The following RARB variants were observed in gnomAD, a reference collection of about 807,000 sequenced individuals.
The protein encoded by RARB is HBV-activated protein.
RARB carries 17 observed loss-of-function variants against 51.9 expected under a neutral mutation model. The observed-to-expected ratio is 0.33, with a 90% confidence interval of 0.22 to 0.49. The LOEUF (loss-of-function observed/expected upper bound fraction) is 0.49. Ranked by LOEUF, RARB falls within the 20% of genes least tolerant of loss-of-function variation. The pLI is 0.99. For synonymous variants in RARB, 215 were observed against 195.4 expected, an observed-to-expected ratio of 1.10 and a Z score of -0.84; for missense variants, 369 against 550.8, an observed-to-expected ratio of 0.67 and a Z score of 3.30.
intron 5 of RARB, among the ~76,000 whole-genome samples, chr3:25,338,636 C>A (rs1203859694): frequency 6.6e-6 from 1 of 152,190 alleles, no homozygotes; most frequent in East Asian, 1.9e-4. Context: ...CCAAACTCAT[C>A]TGCACAAGCT....
At chr3:25,542,539 C>A (rs918817415) in intron 3 of RARB, among the ~76,000 whole-genome samples, 3 of 152,222 alleles carry the variant, frequency 2.0e-5, no homozygotes, top group African/African-American at 7.2e-5. Flanking sequence ...AGGATTCCTA[C>A]TGTAGTATTA....
chr3:25,269,239 G>C (rs944669307), intron 5 of RARB, among the ~76,000 whole-genome samples: 1 of 152,126 alleles, frequency 6.6e-6, no homozygotes, highest in African/African-American at 2.4e-5. Flanking sequence ...AATAGTCATA[G>C]AAATGAGTCC....
chr3:24,910,014 T>G (rs929518227), intron 2 of RARB, among the ~76,000 whole-genome samples: 2 of 152,290 alleles, frequency 1.3e-5, no homozygotes, highest in African/African-American at 4.8e-5. Context: ...AGCCAGAGAT[T>G]ATTGAAAAGC....
At chr3:25,596,332 T>G in intron 7 of RARB, 88 bp from the exon 8 acceptor site, 1 of 1,075,530 alleles carries the variant, frequency 9.3e-7, no homozygotes, top group Non-Finnish European at 1.3e-6. Flanking sequence ...GAAACACCTC[T>G]GTTAAAATAT....
At chr3:25,292,381 C>A (rs1387370352) in intron 5 of RARB, among the ~76,000 whole-genome samples, 1 of 152,160 alleles carries the variant, frequency 6.6e-6, no homozygotes, top group Non-Finnish European at 1.5e-5. Context: ...ACAGCATTTT[C>A]TTTCATGTGG....
At chr3:25,578,258 C>T (rs551065347) in intron 4 of RARB, among the ~76,000 whole-genome samples, 108 of 152,324 alleles carry the variant, frequency 7.1e-4, no homozygotes, top group African/African-American at 2.4e-3. Context: ...ATCCAGCAGC[C>T]AGTATAATAA....
At chr3:25,329,868 G>A (rs949381626) in intron 5 of RARB, among the ~76,000 whole-genome samples, 1 of 152,152 alleles carries the variant, frequency 6.6e-6, no homozygotes, top group African/African-American at 2.4e-5. Flanking sequence ...CGTGATGCAT[G>A]CACAAGCTTC....
intron 5 of RARB, among the ~76,000 whole-genome samples, chr3:25,201,321 C>A (rs549006319): frequency 6.6e-4 from 100 of 152,062 alleles, no homozygotes; most frequent in African/African-American, 2.0e-3. Flanking sequence ...CAGCTTAAGG[C>A]GATTTTGGGC....
At chr3:25,336,120 A>G (rs1705055678) in intron 5 of RARB, among the ~76,000 whole-genome samples, 1 of 152,148 alleles carries the variant, frequency 6.6e-6, no homozygotes, top group Non-Finnish European at 1.5e-5. Flanking sequence ...GGAAAAAAGG[A>G]AATAAAATTA....
intron 1 of RARB, among the ~76,000 whole-genome samples, chr3:25,439,134 A>C (rs1284020410): frequency 6.6e-6 from 1 of 152,190 alleles, no homozygotes; most frequent in Non-Finnish European, 1.5e-5. Flanking sequence ...ATGGGTGCTA[A>C]GTGTTTGTGC....
intron 2 of RARB, among the ~76,000 whole-genome samples, chr3:25,049,656 C>T (rs778032209): frequency 2.6e-4 from 39 of 151,882 alleles, no homozygotes; most frequent in Non-Finnish European, 4.4e-4. Flanking sequence ...TTCTGAATAG[C>T]GATATAAAGA....
intron 2 of RARB, among the ~76,000 whole-genome samples, chr3:24,868,621 C>G (rs1702893043): frequency 1.3e-5 from 2 of 152,192 alleles, no homozygotes; most frequent in East Asian, 3.9e-4. Flanking sequence ...TATCCTCTTC[C>G]CTTTTGGAAT....
At chr3:25,075,583 G>A (rs1698855564) in intron 3 of RARB, among the ~76,000 whole-genome samples, 2 of 151,876 alleles carry the variant, frequency 1.3e-5, no homozygotes, top group South Asian at 2.1e-4. Flanking sequence ...TATTTTTACT[G>A]GAACTCTGCT....
intron 3 of RARB, among the ~76,000 whole-genome samples, chr3:25,562,229 C>G (rs913494142): frequency 7.0e-6 from 1 of 143,256 alleles, no homozygotes; most frequent in Non-Finnish European, 1.6e-5. Context: ...GGAAGAGATA[C>G]TAAGCCTTTT....
intron 5 of RARB, among the ~76,000 whole-genome samples, chr3:25,406,519 C>G (rs988581406): frequency 1.2e-4 from 19 of 152,246 alleles, no homozygotes; most frequent in Non-Finnish European, 2.6e-4. Context: ...GATTGAACCT[C>G]TGTGCTTGCA....
At chr3:25,535,411 C>CTTTTT (rs3074714) in intron 3 of RARB, among the ~76,000 whole-genome samples, 15 of 138,270 alleles carry the variant, frequency 1.1e-4, no homozygotes, top group South Asian at 4.8e-4. Context: ...GTCCTTATCT[C>CTTTTT]TTTTTTTTTT....
intron 4 of RARB, among the ~76,000 whole-genome samples, chr3:25,578,870 G>T (rs908585833): frequency 6.6e-6 from 1 of 152,234 alleles, no homozygotes; most frequent in Non-Finnish European, 1.5e-5. Context: ...GGGAACTAAA[G>T]ATATCAGTTT....
At position 25,185,944 on chromosome 3, in the gene RARB, T is replaced by G. The variant is rs542297103; in HGVS notation, c.178+11369T>G. Among the ~76,000 whole-genome samples the G allele has an allele frequency of 6.6e-5, 10 of 152,278 alleles. No individual in the cohort carries two copies. In the East Asian group the frequency reaches 1.9e-3, roughly 29 times the overall value. On this transcript the variant is annotated intron_variant, in intron 5 of 11. Transcript: ENST00000383772. Reference sequence around the variant, plus strand: ...TCTTTAGTACTTGTCACAGTTTTTCTGTCTTCACTTTAAGAACAGAAAACA... The same window carrying G: ...TCTTTAGTACTTGTCACAGTTTTTCGGTCTTCACTTTAAGAACAGAAAACA...
chr3:25,085,402 T>A (rs1286886634), intron 3 of RARB, among the ~76,000 whole-genome samples: 1 of 152,178 alleles, frequency 6.6e-6, no homozygotes, highest in East Asian at 1.9e-4. Flanking sequence ...GAATAACTCA[T>A]TCTTCAAAGA....
Sources: allele counts gnomAD v4.1 joint callset (sites outside exome capture counted in the v4.1 genomes callset), GRCh38; gene constraint gnomAD v4.1.1; transcripts MANE v1.5; gene names NCBI Gene and HGNC (gene_info 2026-07-23, HGNC 2026-07-21).